Variants in DENND4A observed in about 807,000 individuals in gnomAD.
DENND4A encodes the protein DENN domain containing 4A.
A neutral mutation model predicts 199.3 loss-of-function variants in DENND4A; 70 were observed. The observed-to-expected ratio is 0.35, with a 90% CI of 0.29 to 0.43. The LOEUF (loss-of-function observed/expected upper bound fraction) is 0.43, where lower values mean the gene tolerates loss of function less well. Ranked by LOEUF, DENND4A falls within the 20% of genes least tolerant of loss-of-function variation. DENND4A has a pLI of 1.00. For missense variants in DENND4A, 1,723 were observed against 2,255.8 expected (o/e 0.76, Z 4.78); for synonymous variants, 686 against 766.9 (o/e 0.89, Z 1.74).
intron 14 of DENND4A, among the ~76,000 whole-genome samples, chr15:65,709,929 A>G (rs1567031887): frequency 6.6e-6 from 1 of 151,776 alleles, no homozygotes; most frequent in Non-Finnish European, 1.5e-5. Context: ...ATAGATAAAT[A>G]ACATTTTAGG....
At chr15:65,728,295 G>A (rs191291373) in intron 11 of DENND4A, among the ~76,000 whole-genome samples, 38 of 151,920 alleles carry the variant, frequency 2.5e-4, no homozygotes, top group African/African-American at 9.2e-4. Context: ...CAGCCACCAC[G>A]CCCAGTCTAT....
chr15:65,660,308 G>T lies in DENND4A; in HGVS notation c.*1543C>A, dbSNP rs529757015. On this transcript the variant is annotated 3_prime_UTR_variant, in exon 33 of 33. Transcript: ENST00000443035. ...GGAAGCTGTGAAATGTTTCAGCATGGTGCTATTCACTAATGGTGTGAACTC... is the reference window on the plus strand; with the variant it reads ...GGAAGCTGTGAAATGTTTCAGCATGTTGCTATTCACTAATGGTGTGAACTC... 5.5e-5 allele frequency: 85 copies of T among 1,535,142 alleles called. No homozygotes were observed. In the African/African-American group the frequency reaches 1.1e-3, roughly 20 times the overall value.
chr15:65,722,881 T>C lies in DENND4A; in HGVS notation c.1555A>G (p.Thr519Ala). 1 of 1,609,760 alleles carries C rather than the reference T, an allele frequency of 6.2e-7. No individual in the cohort carries two copies. Among genetic ancestry groups the C allele is most frequent in the Non-Finnish European group, 8.5e-7 (1 of 1,178,318 alleles). Residue 519 changes from threonine to alanine, a missense_variant, in exon 12 of 33, where the codon ACA becomes GCA. This residue lies in a region of DENND4A where 725 missense variants were observed against 952.9 expected (regional missense o/e 0.76). Coordinates refer to ENST00000443035, the MANE Select transcript of DENND4A (RefSeq NM_001320835.1). ...PKKPCKNLMNTLNNLHQQLAK... is the reference protein window; with the variant it reads ...PKKPCKNLMNALNNLHQQLAK... ...AATTGCTGATGCAAATTATTCAGTG[T>C]GTTCATCAGATTTTTACATGGCTTC... is the stretch of plus-strand genomic sequence containing the variant.
intron 3 of DENND4A, among the ~76,000 whole-genome samples, chr15:65,754,315 T>A (rs893985059): frequency 6.6e-6 from 1 of 152,184 alleles, no homozygotes; most frequent in African/African-American, 2.4e-5. Flanking sequence ...GTTTTGCTTT[T>A]TCTTAACTTA....
intron 30 of DENND4A, 131 bp from the exon 31 acceptor site, chr15:65,664,853 G>A: frequency 6.4e-6 from 5 of 779,696 alleles, no homozygotes; most frequent in South Asian, 2.5e-5. Context: ...TAAAGAAATA[G>A]GAATCCAAGA....
chr15:65,700,824 G>T, intron 19 of DENND4A, 149 bp from the exon 20 acceptor site: 1 of 970,478 alleles, frequency 1.0e-6, no homozygotes. Context: ...GAAACCTATT[G>T]TGAGTTATTA....
At chr15:65,768,182 G>T (rs888630839) in intron 1 of DENND4A, among the ~76,000 whole-genome samples, 7 of 151,562 alleles carry the variant, frequency 4.6e-5, no homozygotes, top group Admixed American at 3.9e-4. Flanking sequence ...TCTTTTTTTT[G>T]GGTAGAGATG....
intron 1 of DENND4A, among the ~76,000 whole-genome samples, chr15:65,774,216 C>T (rs148151789): frequency 0.066 from 10,075 of 151,592 alleles, 328 homozygotes; most frequent in African/African-American, 0.086. Flanking sequence ...ATTGGCCAGG[C>T]ACGGTGGCTC....
intron 21 of DENND4A, chr15:65,696,960 G>A: frequency 3.3e-6 from 1 of 303,984 alleles, no homozygotes. Flanking sequence ...ATATTGTTAA[G>A]TCTCAAAAAA....
chr15:65,777,020 G>A (rs2077300961), intron 1 of DENND4A, among the ~76,000 whole-genome samples: 1 of 151,862 alleles, frequency 6.6e-6, no homozygotes, highest in African/African-American at 2.4e-5. Context: ...ATACAAAAAT[G>A]AGCCAGCCAT....
chr15:65,719,778 C>T (rs532328475), intron 12 of DENND4A, among the ~76,000 whole-genome samples: 1 of 151,718 alleles, frequency 6.6e-6, no homozygotes, highest in South Asian at 2.1e-4. Context: ...GTCTGTAGTC[C>T]CAGCTTCTCA....
intron 4 of DENND4A, among the ~76,000 whole-genome samples, chr15:65,747,740 A>G (rs746193883): frequency 6.6e-5 from 10 of 152,046 alleles, no homozygotes; most frequent in Non-Finnish European, 1.3e-4. Context: ...AAGTAAAAAT[A>G]GTTTTAAAAA....
At chr15:65,728,074 T>G (rs2075857542) in intron 11 of DENND4A, among the ~76,000 whole-genome samples, 1 of 152,116 alleles carries the variant, frequency 6.6e-6, no homozygotes, top group African/African-American at 2.4e-5. Context: ...AGTGGTGCAA[T>G]CTCGGCTCAC....
At chr15:65,676,141 A>AATATATATATATATATAT (rs57613461) in intron 24 of DENND4A, among the ~76,000 whole-genome samples, 3,617 of 109,190 alleles carry the variant, frequency 0.033, 98 homozygotes, top group East Asian at 0.12. Context: ...AATAAGGAAA[A>AATATATATATATATATAT]ATATATATAT....
chr15:65,691,206 G>T lies in DENND4A; in HGVS notation c.3388C>A (p.Pro1130Thr), dbSNP rs770699120. The T allele has an allele frequency of 3.1e-6, 5 of 1,613,212 alleles. No individual in the cohort carries two copies. The African/African-American group carries it at 6.7e-5, about 22-fold the overall frequency. Residue 1130 changes from proline (P) to threonine (T), a missense_variant, in exon 23 of 33, where the codon CCT becomes ACT. Physicochemically the swap from Pro to Thr is conservative, Grantham distance 38. Transcript: ENST00000443035. ...AGACTGTCTCTTTTTGATCTTAAAG[G>T]TGGCTTCCCAATATCAAGAGTATTT... ...RPNTLDIGKPPLRSKRDSLEK... is the reference protein window; with the variant it reads ...RPNTLDIGKPTLRSKRDSLEK...
intron 23 of DENND4A, among the ~76,000 whole-genome samples, chr15:65,687,142 A>G (rs2076812743): frequency 6.6e-6 from 1 of 151,990 alleles, no homozygotes; most frequent in Admixed American, 6.6e-5. Context: ...GAATATTTTT[A>G]TTGGCTTTTT....
chr15:65,665,237 A>T, intron 30 of DENND4A, 108 bp downstream of exon 30: 1 of 794,610 alleles, frequency 1.3e-6, no homozygotes, highest in South Asian at 2.3e-5. Context: ...TGTAAGACAA[A>T]AAGTAGTACA....
chr15:65,711,272 C>G (rs993627548), intron 14 of DENND4A, among the ~76,000 whole-genome samples: 6 of 152,164 alleles, frequency 3.9e-5, no homozygotes, highest in African/African-American at 1.4e-4. Flanking sequence ...AAGACTACTA[C>G]AAGAGGATCA....
intron 1 of DENND4A, chr15:65,766,643 G>C (rs1188095845): frequency 1.3e-5 from 2 of 152,148 alleles, no homozygotes; most frequent in Non-Finnish European, 1.5e-5. Flanking sequence ...CCTGGAACTG[G>C]TCCCCAGCAG....
Sources: allele counts gnomAD v4.1 joint callset (sites outside exome capture counted in the v4.1 genomes callset), GRCh38; gene constraint gnomAD v4.1.1; regional missense constraint gnomAD v4.1.1; transcripts MANE v1.5; gene names NCBI Gene and HGNC (gene_info 2026-07-23, HGNC 2026-07-21).